BCAS3: variants seen among roughly 807,000 people sequenced by gnomAD.
The protein encoded by BCAS3 is BCAS4/BCAS3 fusion.
BCAS3 carries 53 observed loss-of-function variants against 116.1 expected under a neutral mutation model. That is an observed-to-expected ratio of 0.46 (90% CI 0.37 to 0.57). The LOEUF (loss-of-function observed/expected upper bound fraction) is 0.57. Among genes scored for constraint, BCAS3 ranks in the 20% least tolerant of loss-of-function variants. The probability of loss-of-function intolerance (pLI) is 0.00; values close to 1 mark genes in which losing one functional copy is unlikely to be tolerated. For missense variants in BCAS3, 917 were observed against 1,165.4 expected, an observed-to-expected ratio of 0.79 and a Z score of 3.10; for synonymous variants, 391 against 408.2, an observed-to-expected ratio of 0.96 and a Z score of 0.51.
chr17:60,952,303 T>A (rs979834808), intron 14 of BCAS3, among the ~76,000 whole-genome samples: 2 of 152,166 alleles, frequency 1.3e-5, no homozygotes, highest in Admixed American at 6.5e-5. Flanking sequence ...TTAAATTTTT[T>A]AAAAATTATT....
At chr17:60,807,868 T>C (rs1193335800) in intron 6 of BCAS3, 136 bp from the exon 7 acceptor site, 1 of 586,896 alleles carries the variant, frequency 1.7e-6, no homozygotes, top group African/African-American at 1.9e-5. Context: ...CTTTTCTTCT[T>C]TTTATTCAAT....
In BCAS3 at chr17:61,238,219, T is replaced by C. The variant is rs533567196; in HGVS notation, c.2426-130108T>C. On this transcript the variant is annotated intron_variant, in intron 22 of 23. Coordinates refer to ENST00000407086, the MANE Select transcript of BCAS3 (RefSeq NM_017679.5). ...AGGCACCCGCCACCACACCTGGCAG[T>C]TTTTCGGGTTTTTTTTTTTTGAGAT... Among the ~76,000 whole-genome samples the C allele has an allele frequency of 9.3e-3, 470 of 50,470 alleles. 4 individuals carry two copies. Among genetic ancestry groups the C allele is most frequent in the African/African-American group, 0.026 (449 of 17,028 alleles). The allele number at this position is 50,470 out of a possible 152,430, so 33.1% of individuals were successfully genotyped here.
rs2143693858 is a variant in BCAS3 at position 61,391,037 on chromosome 17, C to T, written c.2594-940C>T. The T allele has an allele frequency of 6.6e-6, 1 of 152,348 alleles. No homozygotes were observed. Among genetic ancestry groups the T allele is most frequent in the African/African-American group, 2.4e-5 (1 of 41,564 alleles). 9.4% of individuals were successfully genotyped at this position (152,348 alleles called of 1,614,324 possible). A position where few individuals can be genotyped will look rare whatever the true frequency, so the allele number is the denominator to read the frequency against. ...ATCGGAACTGACCACCTTCAAAAAG[C>T]CAAGAAGTAATTGGTTCTTCCTTGC... On this transcript the variant is annotated intron_variant, in intron 23 of 23. Coordinates refer to ENST00000407086, the MANE Select transcript of BCAS3 (RefSeq NM_017679.5). The surrounding 1 kb of genome is among the most constrained non-coding windows in gnomAD (Gnocchi z 7.7).
At chr17:60,882,273 C>T (rs2056235904) in intron 9 of BCAS3, among the ~76,000 whole-genome samples, 1 of 151,528 alleles carries the variant, frequency 6.6e-6, no homozygotes, top group South Asian at 2.1e-4. Flanking sequence ...CCTTTGCCCA[C>T]TTTTTGATGG....
At position 60,995,452 on chromosome 17, in the gene BCAS3, G is replaced by A. The variant is rs757890439; in HGVS notation, c.1486+5217G>A. On this transcript the variant is annotated intron_variant, in intron 15 of 23. Coordinates refer to ENST00000407086, the MANE Select transcript of BCAS3 (RefSeq NM_017679.5). The surrounding 1 kb of genome is among the most constrained non-coding windows in gnomAD (Gnocchi z 4.7). ...GCTGGGATTACAGACATGAGCCACC[G>A]CGCCCAGCCGAATTTTTGTATTTTA... 3.3e-5 allele frequency among the ~76,000 whole-genome samples: 5 copies of A among 151,814 alleles called. No homozygotes were observed. Among genetic ancestry groups the A allele is most frequent in the East Asian group, 1.9e-4 (1 of 5,148 alleles).
chr17:61,158,284 G>A (rs1210218970), intron 22 of BCAS3, among the ~76,000 whole-genome samples: 1 of 152,046 alleles, frequency 6.6e-6, no homozygotes, highest in Non-Finnish European at 1.5e-5. Flanking sequence ...TAGTACTTGT[G>A]CCTTTATACC....
At position 61,309,304 on chromosome 17, in the gene BCAS3, T is replaced by C. The variant is rs1226682465; in HGVS notation, c.2426-59023T>C. Among the ~76,000 whole-genome samples the C allele has an allele frequency of 6.6e-6, 1 of 152,110 alleles. No homozygotes were observed. Among genetic ancestry groups the C allele is most frequent in the Non-Finnish European group, 1.5e-5 (1 of 68,006 alleles). On this transcript the variant is annotated intron_variant, in intron 22 of 23. Transcript: ENST00000407086. This position sits in a 1 kb window ranked among gnomAD's most constrained non-coding sequence, Gnocchi z 4.6. ...GTCCCCTTTCGTCCTCCCCATTCAT[T>C]CTAGGGTAATAAGGGCTGGTGGAGA...
rs1189903169 is a variant in BCAS3, at chr17:61,214,690, C to CA, written c.2425+130135dup. ...TGGGCGACAGAGCAAGACTCCATCT[C>CA]AAAAAAAAAGAAAAAAAGAAAAAAA... On this transcript the variant is annotated intron_variant, in intron 22 of 23. Coordinates refer to ENST00000407086, the MANE Select transcript of BCAS3 (RefSeq NM_017679.5). The surrounding 1 kb of genome is among the most constrained non-coding windows in gnomAD (Gnocchi z 4.4). Among the ~76,000 whole-genome samples the CA allele has an allele frequency of 2.4e-3, 362 of 148,888 alleles. 2 individuals are homozygous for CA. Among genetic ancestry groups the CA allele is most frequent in the African/African-American group, 7.9e-3 (321 of 40,526 alleles).
intron 22 of BCAS3, among the ~76,000 whole-genome samples, chr17:61,329,340 A>T (rs867340717): frequency 0.062 from 6,720 of 109,084 alleles, 210 homozygotes; most frequent in Non-Finnish European, 0.088. Context: ...TATTATTATT[A>T]TTATTTTTTT....
chr17:61,004,068 A>G lies in BCAS3; in HGVS notation c.1487-11683A>G, dbSNP rs1178340143. On this transcript the variant is annotated intron_variant, in intron 15 of 23. Transcript: ENST00000407086. The surrounding 1 kb of genome is among the most constrained non-coding windows in gnomAD (Gnocchi z 4.8). ...TAGTTTTCAAGGAGTTGAAGGAGTT[A>G]ACATTATTTTTGTCTAGTGATTAGA... Among the ~76,000 whole-genome samples, 1 of 152,170 alleles carries G rather than the reference A, an allele frequency of 6.6e-6. No individual in the cohort carries two copies. Among genetic ancestry groups the G allele is most frequent in the Non-Finnish European group, 1.5e-5 (1 of 68,006 alleles).
chr17:60,820,584 A>G (rs1219969966), intron 7 of BCAS3, among the ~76,000 whole-genome samples: 1 of 152,242 alleles, frequency 6.6e-6, no homozygotes, highest in Non-Finnish European at 1.5e-5. Context: ...AATGTATGCA[A>G]CATTGTTTTC....
At chr17:60,858,356 T>C (rs1263790583) in intron 7 of BCAS3, among the ~76,000 whole-genome samples, 1 of 152,118 alleles carries the variant, frequency 6.6e-6, no homozygotes, top group Non-Finnish European at 1.5e-5. Flanking sequence ...CAACACTGAT[T>C]TGCTTCCTAT....
chr17:61,271,206 C>T (rs1197492330), intron 22 of BCAS3, among the ~76,000 whole-genome samples: 3 of 144,570 alleles, frequency 2.1e-5, no homozygotes, highest in Non-Finnish European at 4.5e-5. Context: ...CGGTTCACTG[C>T]AACCTCTGCC....
chr17:61,176,418 T>C (rs986781668), intron 22 of BCAS3, among the ~76,000 whole-genome samples: 1 of 150,962 alleles, frequency 6.6e-6, no homozygotes, highest in Non-Finnish European at 1.5e-5. Flanking sequence ...TTATTCTTAC[T>C]TCCTGATAGT....
intron 7 of BCAS3, among the ~76,000 whole-genome samples, chr17:60,847,352 G>A (rs1011335055): frequency 2.0e-5 from 3 of 152,182 alleles, no homozygotes; most frequent in Non-Finnish European, 4.4e-5. Flanking sequence ...ATACCTAGGA[G>A]TAGAATTGCT....
chr17:61,094,108 A>G (rs2073811753), intron 22 of BCAS3, among the ~76,000 whole-genome samples: 5 of 152,238 alleles, frequency 3.3e-5, no homozygotes, highest in Non-Finnish European at 7.3e-5. Context: ...TAGTAAAGGC[A>G]ATGGCACCTA....
At chr17:60,963,834 C>G (rs1703768131) in intron 14 of BCAS3, among the ~76,000 whole-genome samples, 1 of 152,168 alleles carries the variant, frequency 6.6e-6, no homozygotes, top group Non-Finnish European at 1.5e-5. Flanking sequence ...GGATTACAGG[C>G]GTGAGCCACC....
chr17:61,014,971 T>G (rs2065352532), intron 15 of BCAS3, among the ~76,000 whole-genome samples: 2 of 152,124 alleles, frequency 1.3e-5, no homozygotes, highest in African/African-American at 4.8e-5. Context: ...AAAACAACAT[T>G]GAAAGAAATT....
At chr17:60,734,460 C>T (rs992212200) in intron 5 of BCAS3, among the ~76,000 whole-genome samples, 3 of 152,100 alleles carry the variant, frequency 2.0e-5, no homozygotes, top group Non-Finnish European at 2.9e-5. Context: ...TTTAGACTTT[C>T]GTGTTTCACA....
Sources: gnomAD v4.1 joint callset for allele counts (sites outside exome capture counted in the v4.1 genomes callset) on GRCh38, gnomAD v4.1.1 for gene constraint, Gnocchi (gnomAD v3.1) non-coding constraint, MANE v1.5 for transcripts, NCBI Gene and HGNC (gene_info 2026-07-23, HGNC 2026-07-21) for gene names.